The following DNAH8 variants were observed in gnomAD, a reference collection of about 807,000 sequenced individuals.
DNAH8 encodes the protein axonemal beta dynein heavy chain 8.
In DNAH8, 382 loss-of-function variants were observed where a neutral mutation model predicts 562.1. The ratio of observed to expected loss-of-function variants is 0.68; its 90% CI spans 0.63 to 0.74. The LOEUF is 0.74. Among genes scored for constraint, DNAH8 ranks in the 30% least tolerant of loss-of-function variants. The pLI is 0.00. For missense variants in DNAH8, 5,203 were observed against 5,620.4 expected, an observed-to-expected ratio of 0.93 and a Z score of 2.37; for synonymous variants, 1,881 against 1,919.4, an observed-to-expected ratio of 0.98 and a Z score of 0.52.
At chr6:38,917,430 A>G (rs764412236) in intron 69 of DNAH8, 24 bp downstream of exon 69, 2 of 1,604,036 alleles carry the variant, frequency 1.2e-6, no homozygotes, top group Admixed American at 1.7e-5. Context: ...ATCATTGTCA[A>G]TCCTATGAGC....
chr6:38,919,918 G>A (rs929330981), intron 70 of DNAH8, among the ~76,000 whole-genome samples: 2 of 151,934 alleles, frequency 1.3e-5, no homozygotes, highest in African/African-American at 2.4e-5. Flanking sequence ...AAGGAAATCG[G>A]AATAGAGCCA....
chr6:38,888,781 C>T (rs1432680282), intron 57 of DNAH8, among the ~76,000 whole-genome samples: 1 of 152,232 alleles, frequency 6.6e-6, no homozygotes, highest in Non-Finnish European at 1.5e-5. Context: ...TCATTGCCTG[C>T]TGGCCGTAGT....
intron 5 of DNAH8, among the ~76,000 whole-genome samples, chr6:38,735,927 C>G (rs1291291016): frequency 2.0e-5 from 3 of 152,078 alleles, no homozygotes; most frequent in Admixed American, 1.3e-4. Flanking sequence ...CGCCTGAGCT[C>G]AGGAGTTCGA....
Position 38,973,729 on chromosome 6 carries a change from A to G in DNAH8, c.12594A>G (p.Leu4198=). Residue 4198 remains leucine, a synonymous_variant, in exon 84 of 93, where the codon CTA becomes CTG. Transcript: ENST00000327475. The stretch of plus-strand genomic sequence containing the variant: ...TCATGGAAGAATTACTAGAGACGCT[A>G]ATTACCACTGAAGCCAGTGATGATT... ...LEFMEELLET[L]ITTEASDDSF... 1 of 1,610,892 alleles carries G rather than the reference A, an allele frequency of 6.2e-7. No homozygotes were observed. The highest frequency in any genetic ancestry group is 8.5e-7 in the Non-Finnish European group (1 of 1,178,724).
At chr6:39,022,144 G>A (rs187423761) in intron 91 of DNAH8, among the ~76,000 whole-genome samples, 22 of 152,266 alleles carry the variant, frequency 1.4e-4, no homozygotes, top group African/African-American at 5.3e-4. Flanking sequence ...AGGCTGGAGG[G>A]GAGATGAAAA....
At position 38,803,315 on chromosome 6, in the gene DNAH8, A is replaced by T. The variant is rs756261069; in HGVS notation, c.3034+4A>T. 5 of 1,598,828 alleles carry T rather than the reference A, an allele frequency of 3.1e-6. No homozygotes were observed. In the East Asian group the frequency reaches 1.1e-4, roughly 36 times the overall value. On this transcript the variant is annotated splice_donor_region_variant and intron_variant, in intron 22 of 92. Transcript: ENST00000327475. Reference sequence around the variant, plus strand: ...GGGAAAGTAGGAAAACAGTCAGGTAACTTTTCTCGTTACTGTGTTTGAATT... The same window carrying T: ...GGGAAAGTAGGAAAACAGTCAGGTATCTTTTCTCGTTACTGTGTTTGAATT...
intron 44 of DNAH8, among the ~76,000 whole-genome samples, chr6:38,863,496 CACAACA>C (rs372274227): frequency 2.0e-5 from 3 of 151,340 alleles, no homozygotes; most frequent in East Asian, 3.9e-4. Context: ...GGTGCTCAGA[CACAACA>C]ACAACAACAA....
At chr6:38,898,415 A>G in intron 61 of DNAH8, 35 bp downstream of exon 61, 1 of 1,485,264 alleles carries the variant, frequency 6.7e-7, no homozygotes, top group Non-Finnish European at 8.9e-7. Context: ...ATATAAATAG[A>G]TGATTTAAAA....
At chr6:38,970,977 C>T (rs990345748) in intron 82 of DNAH8, among the ~76,000 whole-genome samples, 42 of 152,034 alleles carry the variant, frequency 2.8e-4, no homozygotes, top group Admixed American at 2.8e-3. Context: ...ATGTTTAGTT[C>T]CAAGGTGGTG....
intron 82 of DNAH8, among the ~76,000 whole-genome samples, chr6:38,963,146 A>G (rs1319638419): frequency 6.6e-6 from 1 of 152,118 alleles, no homozygotes; most frequent in East Asian, 1.9e-4. Flanking sequence ...TCTGTATGTC[A>G]AAAGCACCAT....
At chr6:38,829,461 C>T (rs1350265452) in intron 30 of DNAH8, among the ~76,000 whole-genome samples, 4 of 152,080 alleles carry the variant, frequency 2.6e-5, no homozygotes, top group East Asian at 3.9e-4. Flanking sequence ...AGTTTTATAA[C>T]TTTAGCACTT....
intron 66 of DNAH8, 136 bp downstream of exon 66, chr6:38,911,722 G>T (rs1373809151): frequency 3.1e-6 from 2 of 639,756 alleles, no homozygotes; most frequent in Admixed American, 5.8e-5. Flanking sequence ...TTAAAGGATG[G>T]CCTTGAGGGT....
In DNAH8 at chr6:38,791,688, C is replaced by T. The variant is rs1240100919; in HGVS notation, c.2901+14C>T. On this transcript the variant is annotated intron_variant, in intron 21 of 92. Transcript: ENST00000327475. ...ACCCTCAATGAGGTATGCATTTGTT[C>T]ATTAAATTAGAATCACAAAAATATT... The T allele has an allele frequency of 3.1e-6, 5 of 1,602,364 alleles. No individual in the cohort carries two copies. The South Asian group carries it at 4.6e-5, about 15-fold the overall frequency.
chr6:38,810,398 C>T (rs1161284950), intron 24 of DNAH8, among the ~76,000 whole-genome samples: 5 of 152,072 alleles, frequency 3.3e-5, no homozygotes, highest in African/African-American at 9.7e-5. Context: ...TTGAGACCAG[C>T]GTGACCAACA....
chr6:39,012,782 C>G, intron 91 of DNAH8, 145 bp downstream of exon 91: 1 of 634,582 alleles, frequency 1.6e-6, no homozygotes. Flanking sequence ...CGAAAGAACA[C>G]AAATAATTCT....
chr6:38,746,562 A>G (rs886738646), intron 8 of DNAH8, among the ~76,000 whole-genome samples: 2 of 152,158 alleles, frequency 1.3e-5, no homozygotes, highest in South Asian at 2.1e-4. Flanking sequence ...ATTTTTTTAT[A>G]TTTAGATGAA....
At chr6:38,744,397 A>G (rs1764761559) in intron 8 of DNAH8, 1 of 151,768 alleles carries the variant, frequency 6.6e-6, no homozygotes, top group Non-Finnish European at 1.5e-5. Flanking sequence ...TAAAAAAACT[A>G]AAAAAAAATT....
chr6:38,780,468 A>G (rs1768472639), intron 15 of DNAH8, among the ~76,000 whole-genome samples: 1 of 152,232 alleles, frequency 6.6e-6, no homozygotes, highest in Non-Finnish European at 1.5e-5. Flanking sequence ...GACTGGGTAA[A>G]GAAAAGGTGG....
At chr6:38,920,922 A>C (rs992049313) in intron 70 of DNAH8, among the ~76,000 whole-genome samples, 1 of 152,108 alleles carries the variant, frequency 6.6e-6, no homozygotes, top group African/African-American at 2.4e-5. Context: ...ACAGGGTCTC[A>C]CTCTGTCGCC....
Sources: allele counts gnomAD v4.1 joint callset (sites outside exome capture counted in the v4.1 genomes callset), GRCh38; gene constraint gnomAD v4.1.1; transcripts MANE v1.5; gene names NCBI Gene and HGNC (gene_info 2026-07-23, HGNC 2026-07-21).